Variants in CSMD3 observed in about 807,000 individuals in gnomAD.
The protein encoded by CSMD3 is CUB and Sushi multiple domains 3.
A neutral mutation model predicts 435.2 loss-of-function variants in CSMD3; 177 were observed. That is an observed-to-expected ratio of 0.41 (90% CI 0.36 to 0.46). The LOEUF is 0.46. Among genes scored for constraint, CSMD3 ranks in the 20% least tolerant of loss-of-function variants. CSMD3 has a pLI of 0.34. For missense variants in CSMD3, 4,265 were observed against 4,504.6 expected, an observed-to-expected ratio of 0.95 and a Z score of 1.52; for synonymous variants, 1,656 against 1,520.5, an observed-to-expected ratio of 1.09 and a Z score of -2.07.
At chr8:113,297,963 C>A (rs1215245680) in intron 2 of CSMD3, among the ~76,000 whole-genome samples, 2 of 151,856 alleles carry the variant, frequency 1.3e-5, no homozygotes, top group Non-Finnish European at 2.9e-5. Context: ...CAATATGTAG[C>A]AAATTAAAAT....
chr8:113,163,137 C>A (rs184620073), intron 4 of CSMD3, among the ~76,000 whole-genome samples: 79 of 152,162 alleles, frequency 5.2e-4, no homozygotes, highest in Admixed American at 2.0e-4. Flanking sequence ...ATATGAAAAT[C>A]TGTTGCTATA....
intron 2 of CSMD3, among the ~76,000 whole-genome samples, chr8:113,304,763 G>A (rs1391202651): frequency 3.6e-5 from 4 of 111,736 alleles, no homozygotes; most frequent in Admixed American, 1.0e-4. Context: ...GGGGACTGTG[G>A]TGGGGTCGGG....
intron 5 of CSMD3, among the ~76,000 whole-genome samples, chr8:113,072,902 T>G (rs1342422047): frequency 1.3e-5 from 2 of 151,814 alleles, no homozygotes; most frequent in Non-Finnish European, 3.0e-5. Context: ...CAAGCTTCTG[T>G]GCTGGCATTC....
chr8:112,847,211 T>A (rs965748442), intron 11 of CSMD3, among the ~76,000 whole-genome samples: 6 of 152,116 alleles, frequency 3.9e-5, no homozygotes, highest in Non-Finnish European at 8.8e-5. Flanking sequence ...CTTGGATGCT[T>A]CTTGCCCTTT....
intron 36 of CSMD3, among the ~76,000 whole-genome samples, chr8:112,387,739 A>G (rs2129665619): frequency 6.6e-6 from 1 of 152,336 alleles, no homozygotes; most frequent in Non-Finnish European, 1.5e-5. Context: ...ATATGTGTCC[A>G]GTTTTGAATA....
intron 59 of CSMD3, among the ~76,000 whole-genome samples, chr8:112,267,922 T>C (rs2130440410): frequency 6.6e-6 from 1 of 152,240 alleles, no homozygotes; most frequent in East Asian, 1.9e-4. Context: ...CCAGCTTGTT[T>C]TCAGAGACAA....
chr8:112,971,190 C>T (rs562001235), intron 7 of CSMD3, among the ~76,000 whole-genome samples: 8 of 152,146 alleles, frequency 5.3e-5, no homozygotes, highest in South Asian at 4.2e-4. Flanking sequence ...TTATGTAGAC[C>T]GCTCTATGGC....
chr8:113,099,956 C>T (rs1368041911), intron 4 of CSMD3, among the ~76,000 whole-genome samples: 1 of 152,058 alleles, frequency 6.6e-6, no homozygotes, highest in Non-Finnish European at 1.5e-5. Context: ...AAAACTCTGG[C>T]TCTATAATGA....
chr8:113,179,722 A>G (rs746779459), intron 3 of CSMD3, among the ~76,000 whole-genome samples: 3 of 151,854 alleles, frequency 2.0e-5, no homozygotes, highest in South Asian at 2.1e-4. Context: ...ATGCAATTTA[A>G]ATCTTGAAAG....
chr8:112,770,964 T>C (rs1418268348), intron 13 of CSMD3, among the ~76,000 whole-genome samples: 2 of 152,026 alleles, frequency 1.3e-5, no homozygotes, highest in Non-Finnish European at 2.9e-5. Flanking sequence ...CAAGATTGTA[T>C]AATAATGTCT....
intron 4 of CSMD3, among the ~76,000 whole-genome samples, chr8:113,152,413 G>A (rs1057103725): frequency 6.6e-6 from 1 of 152,038 alleles, no homozygotes; most frequent in Non-Finnish European, 1.5e-5. Context: ...ATATGGAATA[G>A]GGATTCAAGA....
intron 3 of CSMD3, among the ~76,000 whole-genome samples, chr8:113,241,055 CT>C (rs1377041181): frequency 6.6e-6 from 1 of 151,966 alleles, no homozygotes; most frequent in Non-Finnish European, 1.5e-5. Context: ...TATTGTTTTG[CT>C]TTTTTTGCCA....
intron 5 of CSMD3, among the ~76,000 whole-genome samples, chr8:113,086,556 T>C (rs2089787905): frequency 6.6e-6 from 1 of 152,156 alleles, no homozygotes; most frequent in Non-Finnish European, 1.5e-5. Flanking sequence ...ACTTGTGTAA[T>C]TCTAATTTAT....
At chr8:113,238,652 C>G (rs920647421) in intron 3 of CSMD3, among the ~76,000 whole-genome samples, 1 of 152,120 alleles carries the variant, frequency 6.6e-6, no homozygotes, top group African/African-American at 2.4e-5. Context: ...AGGACACTTC[C>G]AGCTCGATTT....
At chr8:112,858,772 A>G (rs55986033) in intron 11 of CSMD3, among the ~76,000 whole-genome samples, 6,958 of 151,898 alleles carry the variant, frequency 0.046, 208 homozygotes, top group Middle Eastern at 0.051. Context: ...CATTGAAATT[A>G]AAGTCAGCTA....
intron 66 of CSMD3, 53 bp downstream of exon 66, chr8:112,241,667 G>A: frequency 8.1e-7 from 1 of 1,233,334 alleles, no homozygotes; most frequent in Non-Finnish European, 1.2e-6. Flanking sequence ...CAAGAAAATA[G>A]TAGACCATTT....
rs1057484416 is a variant in CSMD3 at position 113,191,432 on chromosome 8, T to G, written c.515-17516A>C. On this transcript the variant is annotated intron_variant, in intron 3 of 70. Coordinates refer to ENST00000297405, the MANE Select transcript of CSMD3 (RefSeq NM_198123.2). Reference sequence around the variant, plus strand: ...CCAGAAGTCCCCCGTGTCTATTATTTCCATCTTTATATCCACGTCTATTCA... The same window carrying G: ...CCAGAAGTCCCCCGTGTCTATTATTGCCATCTTTATATCCACGTCTATTCA... Among the ~76,000 whole-genome samples, 4 of 151,680 alleles carry G rather than the reference T, an allele frequency of 2.6e-5. No individual in the cohort carries two copies. The South Asian group carries it at 8.3e-4, about 31-fold the overall frequency.
intron 13 of CSMD3, among the ~76,000 whole-genome samples, chr8:112,723,593 A>T (rs1202080741): frequency 6.6e-6 from 1 of 152,154 alleles, no homozygotes; most frequent in South Asian, 2.1e-4. Flanking sequence ...AGAGTTCAAT[A>T]CACTGCATTA....
intron 13 of CSMD3, among the ~76,000 whole-genome samples, chr8:112,781,777 A>T (rs1273350131): frequency 6.6e-6 from 1 of 152,094 alleles, no homozygotes; most frequent in Admixed American, 6.5e-5. Flanking sequence ...AGAACAAGTG[A>T]CTCTGCCTGG....
Sources: allele counts gnomAD v4.1 joint callset (sites outside exome capture counted in the v4.1 genomes callset), GRCh38; gene constraint gnomAD v4.1.1; transcripts MANE v1.5; gene names NCBI Gene and HGNC (gene_info 2026-07-23, HGNC 2026-07-21).